Variants in ARSG observed in about 807,000 individuals in gnomAD.
The protein encoded by ARSG is ASG.
A neutral mutation model predicts 50.5 loss-of-function variants in ARSG; 37 were observed. The observed-to-expected ratio is 0.73, with a 90% CI of 0.56 to 0.96. The LOEUF (loss-of-function observed/expected upper bound fraction) is 0.96, where lower values mean the gene tolerates loss of function less well. Among genes scored for constraint, ARSG ranks in the 50% least tolerant of loss-of-function variants. The pLI is 0.00. For missense variants in ARSG, 629 were observed against 675.3 expected (o/e 0.93, Z 0.76); for synonymous variants, 225 against 254.6 (o/e 0.88, Z 1.11).
At chr17:68,398,207 T>A (rs759412869) in intron 10 of ARSG, among the ~76,000 whole-genome samples, 17 of 152,234 alleles carry the variant, frequency 1.1e-4, no homozygotes, top group Non-Finnish European at 2.1e-4. Context: ...TGTGTCTATA[T>A]AAACATACAT....
rs143508642 is a variant in ARSG, at chr17:68,282,301, A to G, written c.-552+22875A>G. ...CTCACTCATAGGTGGGAATTGAACA[A>G]TGAGAACACTTGGACACAGGAAGGG... On this transcript the variant is annotated intron_variant, in intron 1 of 11. Coordinates refer to the ARSG transcript ENST00000448504. Among the ~76,000 whole-genome samples, 788 of 151,952 alleles carry G rather than the reference A, an allele frequency of 5.2e-3. 4 individuals are homozygous for G. Among genetic ancestry groups the G allele is most frequent in the Non-Finnish European group, 8.2e-3 (554 of 67,950 alleles).
At position 68,272,347 on chromosome 17, in the gene ARSG, G is replaced by A. The variant is rs545949031; in HGVS notation, c.-552+12921G>A. On this transcript the variant is annotated intron_variant, in intron 1 of 11. Coordinates refer to the ARSG transcript ENST00000448504. ...TTTTGAAAAACGAGAGGACATAACA[G>A]GTGAATAATTGCAAATTACTAGATT... 2.0e-5 allele frequency among the ~76,000 whole-genome samples: 3 copies of A among 152,308 alleles called. No homozygotes were observed. In the East Asian group the frequency reaches 5.8e-4, roughly 29 times the overall value.
the ARSG span, among the ~76,000 whole-genome samples, chr17:68,432,538 G>A: frequency 2.0e-5 from 3 of 152,072 alleles, no homozygotes; most frequent in African/African-American, 7.2e-5. Flanking sequence ...CATGAGGTCC[G>A]CATGTGTCAG....
At chr17:68,345,863 A>C (rs1174402805) in intron 3 of ARSG, among the ~76,000 whole-genome samples, 1 of 152,050 alleles carries the variant, frequency 6.6e-6, no homozygotes, top group African/African-American at 2.4e-5. Flanking sequence ...ATAATGCTTA[A>C]TACATTTCTC....
chr17:68,310,300 G>T (rs1157707048), intron 2 of ARSG, among the ~76,000 whole-genome samples: 1 of 152,178 alleles, frequency 6.6e-6, no homozygotes, highest in Admixed American at 6.6e-5. Context: ...CGAGGGTGTG[G>T]AACCCAACCT....
intron 2 of ARSG, among the ~76,000 whole-genome samples, chr17:68,326,741 G>C (rs1268025374): frequency 6.6e-6 from 1 of 152,200 alleles, no homozygotes; most frequent in African/African-American, 2.4e-5. Flanking sequence ...AGCTTGGGGA[G>C]GAGGGGAGTT....
At chr17:68,272,788 A>G in intron 1 of ARSG, 1 of 1,613,150 alleles carries the variant, frequency 6.2e-7, no homozygotes, top group Non-Finnish European at 8.5e-7. Context: ...AAAGTCAAAA[A>G]AGCCAATGAG....
chr17:68,435,580 AGC>A, the ARSG span: 16 of 1,596,806 alleles, frequency 1.0e-5, no homozygotes, highest in Non-Finnish European at 1.3e-5. Context: ...GGAGCCATCC[AGC>A]GAAACCCAGA....
At chr17:68,421,964 C>T, downstream of ARSG, 1 of 933,924 alleles carries the variant, frequency 1.1e-6, no homozygotes, top group Middle Eastern at 2.2e-4. Context: ...TCGCTCATGG[C>T]CACAGAATGG....
In ARSG at chr17:68,307,526, G is replaced by A. The variant is rs782181948; in HGVS notation, c.33G>A (p.Ala11=). 1.2e-5 allele frequency: 19 copies of A among 1,613,940 alleles called. No individual in the cohort carries two copies. Among genetic ancestry groups the A allele is most frequent in the South Asian group, 8.8e-5 (8 of 91,084 alleles). The change falls in exon 2 of 12, where the codon GCG becomes GCA. Residue 11 remains alanine, a synonymous_variant. Coordinates refer to ENST00000621439, the MANE Select transcript of ARSG (RefSeq NM_001267727.2). ...GGCTTTTTCTAAAGGTTTTGTTGGCGGGAGTGAGTTTCTCAGGATTTCTTT... is the reference window on the plus strand; with the variant it reads ...GGCTTTTTCTAAAGGTTTTGTTGGCAGGAGTGAGTTTCTCAGGATTTCTTT... MGWLFLKVLL[A]GVSFSGFLYP... is the part of the protein sequence containing the mutation.
intron 2 of ARSG, among the ~76,000 whole-genome samples, chr17:68,309,572 A>G (rs1270936800): frequency 1.3e-5 from 2 of 152,242 alleles, no homozygotes; most frequent in Non-Finnish European, 2.9e-5. Flanking sequence ...CTCTTAAAAA[A>G]TAAGTAAATA....
chr17:68,311,256 G>A (rs559654746), intron 2 of ARSG, among the ~76,000 whole-genome samples: 1 of 152,244 alleles, frequency 6.6e-6, no homozygotes, highest in East Asian at 1.9e-4. Flanking sequence ...TCTGTGTGAT[G>A]GGTTCATCCT....
chr17:68,299,917 T>C (rs1296142876), intron 1 of ARSG, among the ~76,000 whole-genome samples: 1 of 151,060 alleles, frequency 6.6e-6, no homozygotes, highest in Non-Finnish European at 1.5e-5. Flanking sequence ...CTGGATAAAA[T>C]TATATGATAT....
chr17:68,330,375 G>A (rs1354715356), intron 2 of ARSG, among the ~76,000 whole-genome samples: 1 of 152,162 alleles, frequency 6.6e-6, no homozygotes, highest in Non-Finnish European at 1.5e-5. Flanking sequence ...GGTGTGAATG[G>A]TGGCCCTTGG....
At chr17:68,320,791 A>C (rs868921096) in intron 2 of ARSG, among the ~76,000 whole-genome samples, 1 of 152,194 alleles carries the variant, frequency 6.6e-6, no homozygotes, top group Non-Finnish European at 1.5e-5. Context: ...GTCACGTTGC[A>C]GTGATCTCCA....
At chr17:68,436,769 G>A in the ARSG span, among the ~76,000 whole-genome samples, 4 of 152,136 alleles carry the variant, frequency 2.6e-5, no homozygotes, top group Non-Finnish European at 4.4e-5. Flanking sequence ...CTTTGAGGCG[G>A]GCGGATCACT....
chr17:68,313,290 A>T (rs1466301470), intron 2 of ARSG, among the ~76,000 whole-genome samples: 1 of 152,062 alleles, frequency 6.6e-6, no homozygotes, highest in Non-Finnish European at 1.5e-5. Context: ...ACAAAAAAAC[A>T]TTACTTTGTC....
At chr17:68,368,882 G>T (rs952108219) in intron 7 of ARSG, 138 bp downstream of exon 7, 1 of 996,316 alleles carries the variant, frequency 1.0e-6, no homozygotes, top group Non-Finnish European at 1.5e-6. Context: ...CCCAGATAAG[G>T]CTTGCTGGCC....
intron 11 of ARSG, among the ~76,000 whole-genome samples, chr17:68,401,955 C>T (rs1307278367): frequency 2.0e-5 from 3 of 152,178 alleles, no homozygotes; most frequent in African/African-American, 7.2e-5. Flanking sequence ...CAGGGTCTTC[C>T]AATGGCTTCT....
Sources: gnomAD v4.1 joint callset for allele counts (sites outside exome capture counted in the v4.1 genomes callset) on GRCh38, gnomAD v4.1.1 for gene constraint, MANE v1.5 for transcripts, NCBI Gene and HGNC (gene_info 2026-07-23, HGNC 2026-07-21) for gene names.